Variants in NBEA observed in about 807,000 individuals in gnomAD.
NBEA encodes the protein lysosomal-trafficking regulator 2.
Under a neutral mutation model 343.4 loss-of-function variants are expected in NBEA, and 44 were observed. The ratio of observed to expected loss-of-function variants is 0.13; its 90% CI spans 0.10 to 0.16. The LOEUF is 0.16. NBEA is among the 10% of genes least tolerant of loss of function. The probability of loss-of-function intolerance (pLI) is 1.00; values close to 1 mark genes in which losing one functional copy is unlikely to be tolerated. For missense variants in NBEA, 2,555 were observed against 3,631.3 expected (o/e 0.70, Z 7.62); for synonymous variants, 1,175 against 1,238.7 (o/e 0.95, Z 1.08).
At chr13:35,444,923 C>A (rs117827734) in intron 39 of NBEA, among the ~76,000 whole-genome samples, 4,543 of 152,198 alleles carry the variant, frequency 0.03, 106 homozygotes, top group Non-Finnish European at 0.045. Flanking sequence ...ATTTATACTA[C>A]ATTCAATTTC....
At chr13:35,131,355 A>G (rs1331120816) in intron 17 of NBEA, among the ~76,000 whole-genome samples, 5 of 152,160 alleles carry the variant, frequency 3.3e-5, no homozygotes, top group Non-Finnish European at 7.4e-5. Context: ...TTTTAAAAGT[A>G]TACAGCATAA....
Position 35,098,416 on chromosome 13 carries a change from T to C in NBEA, c.1680+11T>C, listed in dbSNP as rs1194406563. Reference sequence around the variant, plus strand: ...TACTTACTTGAAAAGGTAAGTGATATGTGTTGATGGTTTTATTGTGTAGCT... The same window carrying C: ...TACTTACTTGAAAAGGTAAGTGATACGTGTTGATGGTTTTATTGTGTAGCT... On this transcript the variant is annotated intron_variant, in intron 11 of 58. Coordinates refer to ENST00000379939, the MANE Select transcript of NBEA (RefSeq NM_001385012.1). 3 of 1,540,102 alleles carry C rather than the reference T, an allele frequency of 1.9e-6. No individual in the cohort carries two copies. The highest frequency in any genetic ancestry group is 1.2e-5 in the South Asian group (1 of 84,496).
chr13:35,628,006 G>T, intron 48 of NBEA, 75 bp from the exon 49 acceptor site: 1 of 1,110,478 alleles, frequency 9.0e-7, no homozygotes. Flanking sequence ...ATATTTCAAA[G>T]TAAAAAAAAA....
In NBEA at chr13:34,942,925, C is replaced by T; in HGVS notation, c.105C>T (p.Gly35=). The T allele has an allele frequency of 6.5e-7, 1 of 1,528,640 alleles. No homozygotes were observed. The highest frequency in any genetic ancestry group is 1.2e-5 in the South Asian group (1 of 82,056). 94.7% of individuals were successfully genotyped at this position (1,528,640 alleles called of 1,614,324 possible). ...GAGGCGGCGGGGGCAGCGGTGGTGG[C>T]GGCACCGGGGGCAGCGGGATGGGGG... ...AGGGGGGSGG[G]GTGGSGMGEL... is the part of the protein sequence containing the mutation. Residue 35 remains glycine, a synonymous_variant, in exon 1 of 59, where the codon GGC becomes GGT. Coordinates refer to ENST00000379939, the MANE Select transcript of NBEA (RefSeq NM_001385012.1).
intron 41 of NBEA, among the ~76,000 whole-genome samples, chr13:35,513,734 T>C (rs2077376377): frequency 6.6e-6 from 1 of 152,166 alleles, no homozygotes; most frequent in South Asian, 2.1e-4. Flanking sequence ...TAGTTTTTAG[T>C]TAAATGTGAG....
In NBEA at chr13:35,664,113, T is replaced by G. The variant is rs530273214; in HGVS notation, c.8363-972T>G. Among the ~76,000 whole-genome samples the G allele has an allele frequency of 2.6e-5, 4 of 152,312 alleles. No homozygotes were observed. In the South Asian group the frequency reaches 6.2e-4, roughly 24 times the overall value. ...CTCTCTGTGGCTTCCCTCTTGCCACTGTGGGCAGAGAACTGGAGCAGCAGT... is the reference window on the plus strand; with the variant it reads ...CTCTCTGTGGCTTCCCTCTTGCCACGGTGGGCAGAGAACTGGAGCAGCAGT... On this transcript the variant is annotated intron_variant, in intron 55 of 58. Coordinates refer to ENST00000379939, the MANE Select transcript of NBEA (RefSeq NM_001385012.1).
chr13:35,531,103 A>C (rs2078241955), intron 41 of NBEA, among the ~76,000 whole-genome samples: 1 of 152,234 alleles, frequency 6.6e-6, no homozygotes, highest in African/African-American at 2.4e-5. Context: ...CGATTTGCCA[A>C]AAATGGAGTG....
At chr13:35,266,188 A>T (rs1043660349) in intron 34 of NBEA, among the ~76,000 whole-genome samples, 1 of 151,868 alleles carries the variant, frequency 6.6e-6, no homozygotes, top group Non-Finnish European at 1.5e-5. Flanking sequence ...AAAAGATAAT[A>T]AGTGTTGGCA....
At chr13:35,183,945 C>T in intron 29 of NBEA, 31 bp from the exon 30 acceptor site, 1 of 1,553,680 alleles carries the variant, frequency 6.4e-7, no homozygotes, top group Non-Finnish European at 8.8e-7. Flanking sequence ...TACATGCTGG[C>T]TCAAATTTGA....
chr13:35,070,599 T>G (rs2063827745), intron 9 of NBEA, 120 bp from the exon 10 acceptor site: 1 of 908,546 alleles, frequency 1.1e-6, no homozygotes. Context: ...AAATTATAAT[T>G]GAAGGCTTAA....
At position 35,576,122 on chromosome 13, in the gene NBEA, G is replaced by GTT. The variant is rs376186194; in HGVS notation, c.7036-7765_7036-7764dup. 2.3e-3 allele frequency among the ~76,000 whole-genome samples: 330 copies of GTT among 143,336 alleles called. 4 individuals carry two copies. The highest frequency in any genetic ancestry group is 0.02 in the South Asian group (90 of 4,478). 94.0% of individuals were successfully genotyped at this position (143,336 alleles called of 152,430 possible). On this transcript the variant is annotated intron_variant, in intron 45 of 58. Transcript: ENST00000379939. ...AAGTTTTTTGTTTTGTTTTGGTTTG[G>GTT]TTTTTTTTTTTTGAGACGTTGTCTC...
chr13:35,616,599 A>T (rs2082748966), intron 48 of NBEA, among the ~76,000 whole-genome samples: 1 of 152,222 alleles, frequency 6.6e-6, no homozygotes, highest in Non-Finnish European at 1.5e-5. Context: ...ATTCATTGAA[A>T]GGAATAGCCT....
intron 24 of NBEA, among the ~76,000 whole-genome samples, chr13:35,164,901 A>C (rs1471190548): frequency 6.6e-6 from 1 of 152,190 alleles, no homozygotes; most frequent in Non-Finnish European, 1.5e-5. Context: ...AAAACATTGA[A>C]ATGTGTTAAT....
chr13:35,113,145 A>G (rs373493925), intron 13 of NBEA, among the ~76,000 whole-genome samples: 23 of 152,148 alleles, frequency 1.5e-4, no homozygotes, highest in Middle Eastern at 3.2e-3. Flanking sequence ...TGAATAATAC[A>G]GACCAGTTAT....
chr13:35,161,962 G>C lies in NBEA; in HGVS notation c.4074G>C (p.Trp1358Cys). ...CATTAGAAACTGATGTACATGTTTG[G>C]AGGAGGTAGAAATATTTCTTTTTTA... ...LFALETDVHVWRSHSTKSVMD... is the reference protein window; with the variant it reads ...LFALETDVHVCRSHSTKSVMD... Residue 1358 changes from tryptophan to cysteine, a missense_variant, in exon 23 of 59, where the codon TGG becomes TGC. Physicochemically the swap from Trp to Cys is radical, Grantham distance 215. Coordinates refer to ENST00000379939, the MANE Select transcript of NBEA (RefSeq NM_001385012.1). The C allele has an allele frequency of 6.5e-7, 1 of 1,542,658 alleles. No individual in the cohort carries two copies. The highest frequency in any genetic ancestry group is 8.8e-7 in the Non-Finnish European group (1 of 1,139,896).
At chr13:35,330,780 T>G (rs1278122618) in intron 36 of NBEA, among the ~76,000 whole-genome samples, 1 of 152,012 alleles carries the variant, frequency 6.6e-6, no homozygotes, top group Non-Finnish European at 1.5e-5. Flanking sequence ...AGAGAATAGC[T>G]TATCAATTTT....
chr13:35,587,350 CA>C (rs1593298155), intron 46 of NBEA, among the ~76,000 whole-genome samples: 1 of 152,124 alleles, frequency 6.6e-6, no homozygotes, highest in East Asian at 1.9e-4. Flanking sequence ...AGGGGACCAC[CA>C]AAACTGTTAG....
chr13:35,477,884 G>A (rs1385658693), intron 41 of NBEA, among the ~76,000 whole-genome samples: 1 of 152,128 alleles, frequency 6.6e-6, no homozygotes, highest in Non-Finnish European at 1.5e-5. Flanking sequence ...AACAGGAGGA[G>A]GAATTTTTTT....
intron 30 of NBEA, among the ~76,000 whole-genome samples, chr13:35,189,093 A>G: frequency 6.6e-6 from 1 of 151,372 alleles, no homozygotes; most frequent in South Asian, 2.1e-4. Context: ...TAATTTTTGT[A>G]TTTTTAGTAG....
Sources: allele counts gnomAD v4.1 joint callset (sites outside exome capture counted in the v4.1 genomes callset), GRCh38; gene constraint gnomAD v4.1.1; transcripts MANE v1.5; gene names NCBI Gene and HGNC (gene_info 2026-07-23, HGNC 2026-07-21).